Variants in STAG1 observed in about 807,000 individuals in gnomAD.
STAG1 encodes the protein STAG1 cohesin complex component, also known as cohesin subunit SA-1.
STAG1 carries 26 observed loss-of-function variants against 170.9 expected under a neutral mutation model. The observed-to-expected ratio is 0.15, with a 90% confidence interval of 0.11 to 0.21. The LOEUF is 0.21. STAG1 is among the 10% of genes least tolerant of loss of function. The probability of loss-of-function intolerance (pLI) is 1.00; values close to 1 mark genes in which losing one functional copy is unlikely to be tolerated. For synonymous variants in STAG1, 514 were observed against 497.7 expected (o/e 1.03, Z -0.44); for missense variants, 964 against 1,509.5 (o/e 0.64, Z 5.99).
chr3:136,587,644 C>G (rs974179845), intron 4 of STAG1, among the ~76,000 whole-genome samples: 1 of 149,186 alleles, frequency 6.7e-6, no homozygotes, highest in Admixed American at 6.7e-5. Flanking sequence ...GAAAACAGAA[C>G]TAAATTGCTT....
At chr3:136,595,727 T>A (rs1938398203) in intron 4 of STAG1, among the ~76,000 whole-genome samples, 1 of 142,426 alleles carries the variant, frequency 7.0e-6, no homozygotes, top group African/African-American at 2.7e-5. Context: ...AATAAATAAA[T>A]AAGAACTTTC....
At chr3:136,701,134 G>A (rs906503170) in intron 1 of STAG1, among the ~76,000 whole-genome samples, 42 of 151,908 alleles carry the variant, frequency 2.8e-4, no homozygotes, top group African/African-American at 8.7e-4. Context: ...CACCCGCCTC[G>A]GCCTCCCAAA....
intron 5 of STAG1, among the ~76,000 whole-genome samples, chr3:136,556,237 A>T (rs1936610884): frequency 6.6e-6 from 1 of 152,214 alleles, no homozygotes; most frequent in African/African-American, 2.4e-5. Context: ...CCCCTTCAAA[A>T]AATCCTCTAA....
chr3:136,545,724 A>C (rs533672268), intron 5 of STAG1, among the ~76,000 whole-genome samples: 4 of 152,028 alleles, frequency 2.6e-5, no homozygotes, highest in Admixed American at 6.6e-5. Context: ...GAAAAAAAAA[A>C]CCCTCACAAA....
At chr3:136,447,386 T>G (rs1032948480) in intron 14 of STAG1, among the ~76,000 whole-genome samples, 74 of 151,708 alleles carry the variant, frequency 4.9e-4, no homozygotes, top group Non-Finnish European at 3.2e-4. Flanking sequence ...GGAGAATCAC[T>G]TGATCCCAGG....
At chr3:136,519,070 G>T (rs1934527489) in intron 7 of STAG1, among the ~76,000 whole-genome samples, 1 of 152,014 alleles carries the variant, frequency 6.6e-6, no homozygotes, top group Non-Finnish European at 1.5e-5. Flanking sequence ...AGCTGAAATG[G>T]CATCAAAAAG....
intron 1 of STAG1, among the ~76,000 whole-genome samples, chr3:136,725,633 T>C (rs1225700723): frequency 1.3e-5 from 2 of 152,162 alleles, no homozygotes; most frequent in East Asian, 3.8e-4. Flanking sequence ...CTGAGACACA[T>C]GCAGAAGGAC....
chr3:136,554,572 C>T (rs999862381), intron 5 of STAG1, among the ~76,000 whole-genome samples: 19 of 152,070 alleles, frequency 1.2e-4, no homozygotes, highest in Admixed American at 6.5e-4. Flanking sequence ...AAAAAGTTAA[C>T]CAGAAAACTC....
chr3:136,638,567 G>C (rs1423043410), intron 1 of STAG1, among the ~76,000 whole-genome samples: 1 of 152,164 alleles, frequency 6.6e-6, no homozygotes, highest in Non-Finnish European at 1.5e-5. Context: ...AAAGCTCTTA[G>C]AGTTAGCAAA....
chr3:136,477,270 T>A lies in STAG1; in HGVS notation c.1026+19A>T, dbSNP rs370892259. The A allele has an allele frequency of 1.1e-5, 18 of 1,604,040 alleles. No homozygotes were observed. The South Asian group carries it at 1.7e-4, about 15-fold the overall frequency. ...AGACAAACATAACTTCCATCAAAGC[T>A]TAGAACAGAGTAACTTACCCTGTCA... is the stretch of plus-strand genomic sequence containing the variant. On this transcript the variant is annotated intron_variant, in intron 10 of 33. Coordinates refer to ENST00000383202, the MANE Select transcript of STAG1 (RefSeq NM_005862.3).
At chr3:136,590,086 G>A (rs1938079797) in intron 4 of STAG1, among the ~76,000 whole-genome samples, 1 of 152,088 alleles carries the variant, frequency 6.6e-6, no homozygotes, top group African/African-American at 2.4e-5. Flanking sequence ...TCATGCTATT[G>A]CACTCCAGCC....
Position 136,366,937 on chromosome 3 carries a change from C to T in STAG1, c.2685+6G>A, listed in dbSNP as rs1473630750. On this transcript the variant is annotated splice_donor_region_variant and intron_variant, in intron 25 of 33. Coordinates refer to ENST00000383202, the MANE Select transcript of STAG1 (RefSeq NM_005862.3). ...GAAGGAGAAAAATAAGAATATTTAA[C>T]TATACCTTCATGTAGTGTTTGAAGA... The T allele has an allele frequency of 1.4e-5, 21 of 1,545,084 alleles. No homozygotes were observed. The East Asian group carries it at 4.8e-4, about 35-fold the overall frequency.
intron 1 of STAG1, among the ~76,000 whole-genome samples, chr3:136,673,357 G>A (rs1047135463): frequency 6.6e-6 from 1 of 152,240 alleles, no homozygotes; most frequent in Middle Eastern, 3.4e-3. Context: ...TGTATGACAC[G>A]GTTGAGTATG....
intron 22 of STAG1, among the ~76,000 whole-genome samples, chr3:136,395,266 T>C (rs139335106): frequency 2.6e-5 from 4 of 152,084 alleles, no homozygotes; most frequent in African/African-American, 9.6e-5. Context: ...AAATAGAAAA[T>C]ATTCAAAGAA....
chr3:136,624,522 T>G (rs1325172079), intron 2 of STAG1, among the ~76,000 whole-genome samples: 1 of 152,220 alleles, frequency 6.6e-6, no homozygotes, highest in Non-Finnish European at 1.5e-5. Context: ...AAGACATTTG[T>G]TGAAACTTCA....
intron 29 of STAG1, among the ~76,000 whole-genome samples, chr3:136,344,770 C>T (rs1341187335): frequency 6.6e-6 from 1 of 151,816 alleles, no homozygotes; most frequent in African/African-American, 2.4e-5. Flanking sequence ...CCCGCCACCA[C>T]GCCCAGCTCA....
chr3:136,379,840 C>G (rs1223356779), intron 22 of STAG1, among the ~76,000 whole-genome samples: 2 of 152,120 alleles, frequency 1.3e-5, no homozygotes, highest in Non-Finnish European at 2.9e-5. Flanking sequence ...ACATAGAAGA[C>G]CATTTAAAAT....
At chr3:136,433,825 G>A (rs1463006593) in intron 15 of STAG1, among the ~76,000 whole-genome samples, 166 bp from the exon 16 acceptor site, 4 of 151,644 alleles carry the variant, frequency 2.6e-5, no homozygotes, top group Admixed American at 2.0e-4. Context: ...GTAATTATGT[G>A]CTTGCTGTCA....
At chr3:136,419,446 G>C (rs534117229) in intron 20 of STAG1, among the ~76,000 whole-genome samples, 1 of 151,758 alleles carries the variant, frequency 6.6e-6, no homozygotes, top group Non-Finnish European at 1.5e-5. Context: ...TTCAGCCACC[G>C]CACCCAGCCT....
Sources: allele counts gnomAD v4.1 joint callset (sites outside exome capture counted in the v4.1 genomes callset), GRCh38; gene constraint gnomAD v4.1.1; transcripts MANE v1.5; gene names NCBI Gene and HGNC (gene_info 2026-07-23, HGNC 2026-07-21).